DOCK9: variants seen among roughly 807,000 people sequenced by gnomAD.
The protein encoded by DOCK9 is dedicator of cytokinesis 9.
A neutral mutation model predicts 263.3 loss-of-function variants in DOCK9; 89 were observed. That is an observed-to-expected ratio of 0.34 (90% CI 0.28 to 0.40). The LOEUF (loss-of-function observed/expected upper bound fraction) is 0.40. Among genes scored for constraint, DOCK9 ranks in the 10% least tolerant of loss-of-function variants. The pLI is 1.00. For synonymous variants in DOCK9, 976 were observed against 973.1 expected (o/e 1.00, Z -0.06); for missense variants, 2,140 against 2,603.4 (o/e 0.82, Z 3.87).
intron 2 of DOCK9, among the ~76,000 whole-genome samples, chr13:98,941,623 A>G (rs2055864616): frequency 6.6e-6 from 1 of 152,202 alleles, no homozygotes; most frequent in African/African-American, 2.4e-5. Flanking sequence ...ATCACTTGCT[A>G]AGTACTACTG....
chr13:98,821,304 C>CTTT (rs1412676749), intron 45 of DOCK9, among the ~76,000 whole-genome samples: 1 of 152,044 alleles, frequency 6.6e-6, no homozygotes, highest in Admixed American at 6.6e-5. Context: ...TTCCTCCCTG[C>CTTT]GTGGGTGCCC....
chr13:98,942,387 C>T (rs1458912933), intron 2 of DOCK9, among the ~76,000 whole-genome samples: 13 of 151,944 alleles, frequency 8.6e-5, no homozygotes, highest in South Asian at 8.3e-4. Context: ...TACAGGCACC[C>T]GCCACCACGC....
At chr13:99,051,002 T>C (rs1472802018) in intron 1 of DOCK9, among the ~76,000 whole-genome samples, 1 of 152,194 alleles carries the variant, frequency 6.6e-6, no homozygotes. Flanking sequence ...AAGAACTCAG[T>C]GGGAGACTTC....
chr13:98,880,486 C>A (rs2044568341), intron 26 of DOCK9, 61 bp downstream of exon 26: 1 of 1,607,514 alleles, frequency 6.2e-7, no homozygotes, highest in Non-Finnish European at 8.5e-7. Context: ...ATTGATCAGG[C>A]TGTGGAGTGA....
At chr13:99,029,534 GATC>G (rs1887111041) in intron 1 of DOCK9, among the ~76,000 whole-genome samples, 1 of 152,084 alleles carries the variant, frequency 6.6e-6, no homozygotes, top group African/African-American at 2.4e-5. Flanking sequence ...TAAAAACTAG[GATC>G]ATCAAAGAAG....
intron 15 of DOCK9, among the ~76,000 whole-genome samples, chr13:98,894,957 C>CAAAA (rs71114557): frequency 5.3e-4 from 39 of 73,384 alleles, no homozygotes; most frequent in East Asian, 1.6e-3. Context: ...TACTAAAATA[C>CAAAA]AAAAAAAAAA....
Position 98,848,738 on chromosome 13 carries a change from G to A in DOCK9, c.4014-99C>T, listed in dbSNP as rs1034298152. 2.6e-5 allele frequency: 32 copies of A among 1,226,130 alleles called. No individual in the cohort carries two copies. The African/African-American group carries it at 4.8e-4, about 18-fold the overall frequency. The allele number at this position is 1,226,130 out of a possible 1,614,324, so 76.0% of individuals were successfully genotyped here. The stretch of plus-strand genomic sequence containing the variant: ...CAATAACAAATTCAATAAACATTAT[G>A]TCTAGTACCAGCATAAGTCACATCC... On this transcript the variant is annotated intron_variant, in intron 36 of 52. Coordinates refer to ENST00000682017, the MANE Select transcript of DOCK9 (RefSeq NM_001366683.2).
intron 27 of DOCK9, among the ~76,000 whole-genome samples, chr13:98,872,339 T>C (rs1222765861): frequency 6.6e-6 from 1 of 152,240 alleles, no homozygotes; most frequent in Non-Finnish European, 1.5e-5. Context: ...TACTCCCCTT[T>C]ATCAAGATCC....
chr13:98,887,125 T>TTA lies in DOCK9; in HGVS notation c.2044-503_2044-502dup, dbSNP rs1160298057. Among the ~76,000 whole-genome samples, 297 of 102,420 alleles carry TTA rather than the reference T, an allele frequency of 2.9e-3. 6 individuals are homozygous for TTA. The highest frequency in any genetic ancestry group is 9.5e-3 in the African/African-American group (246 of 26,028). The allele number at this position is 102,420 out of a possible 152,430, so 67.2% of individuals were successfully genotyped here. A position where few individuals can be genotyped will look rare whatever the true frequency, so the allele number is the denominator to read the frequency against. On this transcript the variant is annotated intron_variant, in intron 18 of 52. Transcript: ENST00000682017. ...ATTTCTTGAGGACAGATACTATATT[T>TTA]TATATATATATATATATATTTTTTT...
At chr13:98,980,722 C>A (rs1424368410), upstream of DOCK9, among the ~76,000 whole-genome samples, 2 of 152,194 alleles carry the variant, frequency 1.3e-5, no homozygotes, top group Non-Finnish European at 2.9e-5. Context: ...AATGACAATT[C>A]CACCAACCGT....
chr13:98,811,084 T>C (rs191461269), intron 45 of DOCK9, among the ~76,000 whole-genome samples: 11 of 152,328 alleles, frequency 7.2e-5, no homozygotes, highest in African/African-American at 2.6e-4. Flanking sequence ...AGGGCCTCCC[T>C]TCTGCTGCCC....
rs1256225993 is a variant in DOCK9, at chr13:98,950,492, G to A, written c.243+4943C>T. ...TTTTAAATTTATTTTTTGTAGAGACGAGGTCTTGCTGTGCTGTCCAGGGTG... is the reference window on the plus strand; with the variant it reads ...TTTTAAATTTATTTTTTGTAGAGACAAGGTCTTGCTGTGCTGTCCAGGGTG... On this transcript the variant is annotated intron_variant, in intron 2 of 52. Coordinates refer to ENST00000682017, the MANE Select transcript of DOCK9 (RefSeq NM_001366683.2). 16 of 468,528 alleles carry A rather than the reference G, an allele frequency of 3.4e-5. No individual in the cohort carries two copies. The Admixed American group carries it at 5.0e-4, about 15-fold the overall frequency. The allele number at this position is 468,528 out of a possible 1,614,324, so 29.0% of individuals were successfully genotyped here. A position where few individuals can be genotyped will look rare whatever the true frequency, so the allele number is the denominator to read the frequency against.
At chr13:98,810,398 C>T (rs2091197087) in intron 45 of DOCK9, 107 bp from the exon 46 acceptor site, 3 of 1,363,930 alleles carry the variant, frequency 2.2e-6, no homozygotes, top group Non-Finnish European at 3.0e-6. Context: ...GAATTTTTCA[C>T]AATAGACAAC....
chr13:98,940,986 C>T (rs1201290919), intron 2 of DOCK9, among the ~76,000 whole-genome samples: 4 of 152,130 alleles, frequency 2.6e-5, no homozygotes, highest in East Asian at 3.9e-4. Context: ...TCAGCATGAC[C>T]GAAGACCTTT....
intron 39 of DOCK9, among the ~76,000 whole-genome samples, chr13:98,834,161 A>G (rs2092893265): frequency 6.6e-6 from 1 of 152,224 alleles, no homozygotes; most frequent in Non-Finnish European, 1.5e-5. Flanking sequence ...GCTTAATCCA[A>G]GAGATGAGCC....
chr13:98,884,643 A>C (rs976978668), intron 21 of DOCK9, among the ~76,000 whole-genome samples: 2 of 152,200 alleles, frequency 1.3e-5, no homozygotes, highest in African/African-American at 4.8e-5. Flanking sequence ...AATTCCTAAT[A>C]GTTTGCATGA....
intron 15 of DOCK9, among the ~76,000 whole-genome samples, 188 bp from the exon 16 acceptor site, chr13:98,888,899 A>C (rs1330030962): frequency 6.6e-6 from 1 of 152,238 alleles, no homozygotes; most frequent in Non-Finnish European, 1.5e-5. Context: ...CACTCAACCC[A>C]ATAGGTCCAA....
intron 1 of DOCK9, among the ~76,000 whole-genome samples, chr13:99,059,725 T>G (rs1239852124): frequency 6.6e-6 from 1 of 152,218 alleles, no homozygotes; most frequent in Non-Finnish European, 1.5e-5. Context: ...TCAGTCATTT[T>G]ACTATATATC....
chr13:98,846,155 G>A (rs2093384498), intron 37 of DOCK9, 95 bp from the exon 38 acceptor site: 4 of 1,408,880 alleles, frequency 2.8e-6, no homozygotes, highest in East Asian at 2.5e-5. Flanking sequence ...ATGGCACGAG[G>A]GAGATGGCCA....
Sources: gnomAD v4.1 joint callset for allele counts (sites outside exome capture counted in the v4.1 genomes callset) on GRCh38, gnomAD v4.1.1 for gene constraint, MANE v1.5 for transcripts, NCBI Gene and HGNC (gene_info 2026-07-23, HGNC 2026-07-21) for gene names.